CENPE: variants seen among roughly 807,000 people sequenced by gnomAD.
CENPE encodes centromere-associated protein E.
In CENPE, 145 loss-of-function variants were observed where a neutral mutation model predicts 336.1. That is an observed-to-expected ratio of 0.43 (90% CI 0.38 to 0.50). The LOEUF is 0.50. CENPE is among the 20% of genes least tolerant of loss of function. The pLI, the probability that CENPE is intolerant of heterozygous loss-of-function variation, is 0.00. For synonymous variants in CENPE, 1,013 were observed against 984.8 expected, an observed-to-expected ratio of 1.03 and a Z score of -0.54; for missense variants, 2,719 against 3,023.3, an observed-to-expected ratio of 0.90 and a Z score of 2.36.
At chr4:103,113,617 AATAG>A (rs967194957) in intron 46 of CENPE, among the ~76,000 whole-genome samples, 1 of 143,138 alleles carries the variant, frequency 7.0e-6, no homozygotes, top group African/African-American at 2.6e-5. Context: ...ATAAAGAAGT[AATAG>A]ATATATTACT....
At chr4:103,165,887 A>G (rs1029123495) in intron 16 of CENPE, among the ~76,000 whole-genome samples, 13 of 151,292 alleles carry the variant, frequency 8.6e-5, no homozygotes, top group Non-Finnish European at 1.5e-4. Context: ...TTTAAAAAAA[A>G]AAAAAAGAAA....
At chr4:103,121,616 A>G (rs1182433977) in intron 43 of CENPE, among the ~76,000 whole-genome samples, 1 of 147,434 alleles carries the variant, frequency 6.8e-6, no homozygotes, top group Non-Finnish European at 1.5e-5. Context: ...TGGCATGATC[A>G]TGGCTCACTG....
intron 39 of CENPE, among the ~76,000 whole-genome samples, chr4:103,137,139 T>C (rs368026270): frequency 2.6e-5 from 4 of 152,334 alleles, no homozygotes; most frequent in African/African-American, 7.2e-5. Context: ...AAAATTCTGA[T>C]TCTAACAATT....
Position 103,143,301 on chromosome 4 carries a change from T to TGCAAAAAAAGTCC in CENPE, c.5250_5251insGGACTTTTTTTGC (p.Ile1751GlyfsTer17). ...TCTAAGTCCTTTTGCATATTTGATATTTCATTTGTTTTCTCTGAAACAATC... is the reference window on the plus strand; with the variant it reads ...TCTAAGTCCTTTTGCATATTTGATATGCAAAAAAAGTCCTTCATTTGTTTTCTCTGAAACAATC... On this transcript the variant is annotated frameshift_variant, in exon 34 of 49. Transcript: ENST00000265148. LOFTEE classifies it high-confidence loss of function. The TGCAAAAAAAGTCC allele has an allele frequency of 6.2e-7, 1 of 1,607,406 alleles. No homozygotes were observed. The highest frequency in any genetic ancestry group is 8.5e-7 in the Non-Finnish European group (1 of 1,174,674).
chr4:103,174,880 G>C lies in CENPE; in HGVS notation c.1503C>G (p.Asn501Lys). Residue 501 changes from asparagine to lysine, a missense_variant, in exon 16 of 49, where the codon AAC becomes AAG. Physicochemically the swap from Asn to Lys is moderately conservative, Grantham distance 94. Around this residue, in one of 5 missense-constraint regions of CENPE, gnomAD observed 2,437 missense variants for 2,513.3 expected, o/e 0.97. Transcript: ENST00000265148. Reference protein sequence around the residue: ...LNQENIESELNSLRADYDNLV... With the variant: ...LNQENIESELKSLRADYDNLV... ...GATTATCATAGTCAGCACGAAGTGAGTTCAACTCACTTTCTATATTCTCCT... is the reference window on the plus strand; with the variant it reads ...GATTATCATAGTCAGCACGAAGTGACTTCAACTCACTTTCTATATTCTCCT... The C allele has an allele frequency of 6.7e-7, 1 of 1,483,638 alleles. No individual in the cohort carries two copies. The highest frequency in any genetic ancestry group is 8.9e-7 in the Non-Finnish European group (1 of 1,120,356). 91.9% of individuals were successfully genotyped at this position (1,483,638 alleles called of 1,614,324 possible).
Position 103,130,562 on chromosome 4 carries a change from C to T in CENPE, c.6924+2131G>A, listed in dbSNP as rs550777793. ...TTCCATATTCATGGATAAAAAGACA[C>T]GATATTGTCAAGATGTCAGTTCTTT... On this transcript the variant is annotated intron_variant, in intron 42 of 48. Coordinates refer to ENST00000265148, the MANE Select transcript of CENPE (RefSeq NM_001813.3). Among the ~76,000 whole-genome samples, 5 of 152,080 alleles carry T rather than the reference C, an allele frequency of 3.3e-5. No individual in the cohort carries two copies. The East Asian group carries it at 5.8e-4, about 18-fold the overall frequency.
At chr4:103,126,331 A>T (rs568475960) in intron 42 of CENPE, among the ~76,000 whole-genome samples, 32 of 152,252 alleles carry the variant, frequency 2.1e-4, no homozygotes, top group African/African-American at 7.5e-4. Flanking sequence ...ACCAGAGCCT[A>T]ACATGCTGGG....
intron 11 of CENPE, among the ~76,000 whole-genome samples, chr4:103,182,399 T>C (rs980744498): frequency 7.2e-5 from 11 of 152,254 alleles, no homozygotes; most frequent in Admixed American, 6.5e-5. Flanking sequence ...ATTATTTTGT[T>C]ATACAGACAG....
rs1394457544 is a variant in CENPE, at chr4:103,146,103, TG to T, written c.4138del (p.Gln1380ArgfsTer11). ...EHIRETLAKI[Q>X]ESQSKQEQSL... ...CTGTTCTTGTTTGCTTTGAGACTCCTGGATCTTAAGAGAATCATAAAACAGT... is the reference window on the plus strand; with the variant it reads ...CTGTTCTTGTTTGCTTTGAGACTCCTGATCTTAAGAGAATCATAAAACAGT... On this transcript the variant is annotated frameshift_variant, in exon 30 of 49. Transcript: ENST00000265148. LOFTEE classifies it high-confidence loss of function. 1 of 1,611,940 alleles carries T rather than the reference TG, an allele frequency of 6.2e-7. No homozygotes were observed. The highest frequency in any genetic ancestry group is 1.3e-5 in the African/African-American group (1 of 74,718).
chr4:103,150,684 A>G (rs1372071880), intron 26 of CENPE, among the ~76,000 whole-genome samples: 1 of 152,212 alleles, frequency 6.6e-6, no homozygotes, highest in Non-Finnish European at 1.5e-5. Context: ...CCCTTAGCTT[A>G]TATAGAAAGA....
At position 103,145,556 on chromosome 4, in the gene CENPE, C is replaced by G; in HGVS notation, c.4539G>C (p.Gln1513His). 1 of 1,607,180 alleles carries G rather than the reference C, an allele frequency of 6.2e-7. No individual in the cohort carries two copies. ...GTAATTTATCATTGATTGCTTCTAA[C>G]TGCTTTTGAATGGTTGATATTTCAG... ...KETEISTIQK[Q>H]LEAINDKLQN... The change falls in exon 31 of 49, where the codon CAG becomes CAC. Residue 1513 changes from glutamine (Q) to histidine (H), a missense_variant. Physicochemically the swap from Gln to His is conservative, Grantham distance 24 (BLOSUM62 0). This residue lies in a region of CENPE where 2,437 missense variants were observed against 2,513.3 expected (regional missense o/e 0.97). Coordinates refer to ENST00000265148, the MANE Select transcript of CENPE (RefSeq NM_001813.3).
chr4:103,182,903 A>G lies in CENPE; in HGVS notation c.834-12T>C, dbSNP rs551289845. ...AATTTATGAAACCACTTAGCAAGGA[A>G]TAAGTTTACAGGAGAAAAAGATTGA... On this transcript the variant is annotated splice_polypyrimidine_tract_variant and intron_variant, in intron 10 of 48. Transcript: ENST00000265148. The G allele has an allele frequency of 8.7e-6, 14 of 1,609,608 alleles. No homozygotes were observed. In the South Asian group the frequency reaches 1.4e-4, roughly 16 times the overall value.
intron 5 of CENPE, 109 bp from the exon 6 acceptor site, chr4:103,194,793 CA>C: frequency 1.4e-6 from 1 of 730,412 alleles, no homozygotes; most frequent in Non-Finnish European, 2.1e-6. Flanking sequence ...TTAAAAGTGG[CA>C]AATGGAACCA....
Position 103,158,406 on chromosome 4 carries a change from T to C in CENPE, c.2927A>G (p.His976Arg). 1.9e-6 allele frequency: 3 copies of C among 1,606,652 alleles called. No individual in the cohort carries two copies. The South Asian group carries it at 3.3e-5, about 18-fold the overall frequency. ...LRNALESLKQ[H>R]QETINTLKSK... ...TTTTAGTGTATTAATTGTTTCTTGA[T>C]GTTGTTTCAGAGACTCAAGAGCATT... The change falls in exon 24 of 49, where the codon CAT (histidine) becomes CGT (arginine). Residue 976 changes from histidine to arginine, a missense_variant. Around this residue, in one of 5 missense-constraint regions of CENPE, gnomAD observed 2,437 missense variants for 2,513.3 expected, o/e 0.97. Transcript: ENST00000265148.
intron 16 of CENPE, among the ~76,000 whole-genome samples, chr4:103,167,268 T>C (rs916098788): frequency 6.6e-6 from 1 of 152,158 alleles, no homozygotes; most frequent in African/African-American, 2.4e-5. Context: ...GTAGCATTTA[T>C]ATATGCTCAA....
intron 29 of CENPE, 95 bp from the exon 30 acceptor site, chr4:103,146,202 G>T: frequency 9.2e-7 from 1 of 1,085,662 alleles, no homozygotes; most frequent in Non-Finnish European, 1.3e-6. Flanking sequence ...ATTAAGGCAG[G>T]ATTCAGTGCC....
intron 44 of CENPE, among the ~76,000 whole-genome samples, chr4:103,117,398 A>C (rs527434109): frequency 6.6e-6 from 1 of 152,274 alleles, no homozygotes; most frequent in South Asian, 2.1e-4. Flanking sequence ...CATGTCCATC[A>C]TTACAGTATC....
At chr4:103,155,515 G>A (rs1031680351) in intron 24 of CENPE, among the ~76,000 whole-genome samples, 3 of 152,054 alleles carry the variant, frequency 2.0e-5, no homozygotes, top group Non-Finnish European at 4.4e-5. Flanking sequence ...GTTTCACCAT[G>A]TTGCCCAGGC....
intron 42 of CENPE, among the ~76,000 whole-genome samples, chr4:103,129,180 C>T (rs999118782): frequency 4.6e-5 from 7 of 152,074 alleles, no homozygotes; most frequent in Admixed American, 6.5e-5. Context: ...AAAGGCAGTT[C>T]GATTAGGCCT....
Sources: gnomAD v4.1 joint callset for allele counts (sites outside exome capture counted in the v4.1 genomes callset) on GRCh38, gnomAD v4.1.1 for gene constraint, gnomAD v4.1.1 regional missense constraint, MANE v1.5 for transcripts, NCBI Gene and HGNC (gene_info 2026-07-23, HGNC 2026-07-21) for gene names.